The following HDAC9 variants were observed in gnomAD, a reference collection of about 807,000 sequenced individuals.
The protein encoded by HDAC9 is MEF-2 interacting transcription repressor (MITR) protein.
Under a neutral mutation model 139.4 loss-of-function variants are expected in HDAC9, and 41 were observed. That is an observed-to-expected ratio of 0.29 (90% CI 0.23 to 0.38). HDAC9 has a LOEUF of 0.38. HDAC9 is among the 10% of genes least tolerant of loss of function. The pLI is 1.00. For missense variants in HDAC9, 1,147 were observed against 1,297.0 expected (o/e 0.88, Z 1.78); for synonymous variants, 517 against 476.2 (o/e 1.09, Z -1.12).
chr7:18,659,294 T>C (rs1221642139), intron 11 of HDAC9, among the ~76,000 whole-genome samples: 1 of 152,192 alleles, frequency 6.6e-6, no homozygotes, highest in Admixed American at 6.6e-5. Flanking sequence ...CTTAAAGTGC[T>C]AACATATAAA....
intron 22 of HDAC9, among the ~76,000 whole-genome samples, chr7:18,890,525 A>G (rs1488306213): frequency 6.6e-6 from 1 of 152,198 alleles, no homozygotes. Context: ...AGGTTTAATA[A>G]TATTTGGGAC....
intron 1 of HDAC9, among the ~76,000 whole-genome samples, chr7:18,291,094 C>A (rs1797778157): frequency 6.6e-6 from 1 of 152,090 alleles, no homozygotes; most frequent in Admixed American, 6.6e-5. Context: ...ACACTCCCTC[C>A]TTCAATCTAG....
rs1368035270 is a variant in HDAC9, at chr7:18,644,650, ACT to A, written c.913-17_913-16del. On this transcript the variant is annotated intron_variant, in intron 8 of 25. Coordinates refer to ENST00000686413, the MANE Select transcript of HDAC9 (RefSeq NM_178425.4). ...ATTTGTGATACTGTGGTATTTTGAG[ACT>A]CTCCTCTTTTTTTAACAGCAAATGG... The A allele has an allele frequency of 1.9e-6, 3 of 1,596,132 alleles. No individual in the cohort carries two copies. The highest frequency in any genetic ancestry group is 2.6e-6 in the Non-Finnish European group (3 of 1,170,846).
intron 1 of HDAC9, among the ~76,000 whole-genome samples, chr7:18,157,933 T>C (rs1044026000): frequency 2.5e-4 from 37 of 150,960 alleles, no homozygotes; most frequent in Non-Finnish European, 4.4e-4. Flanking sequence ...TGTATAGTGA[T>C]TGTGATAAAC....
rs528565232 is a variant in HDAC9 at position 18,886,567 on chromosome 7, A to G, written c.2803+11971A>G. ...AATTTTCATAGTGGTATATAAAATA[A>G]TGGTTACATTTATTTTGTGCCACAA... is the stretch of plus-strand genomic sequence containing the variant. On this transcript the variant is annotated intron_variant, in intron 22 of 25. Transcript: ENST00000686413. 2.0e-5 allele frequency among the ~76,000 whole-genome samples: 3 copies of G among 152,332 alleles called. No individual in the cohort carries two copies. The East Asian group carries it at 5.8e-4, about 29-fold the overall frequency.
intron 2 of HDAC9, among the ~76,000 whole-genome samples, chr7:18,223,290 G>A (rs921826102): frequency 6.6e-6 from 1 of 151,464 alleles, no homozygotes; most frequent in Non-Finnish European, 1.5e-5. Context: ...GATATTTGTT[G>A]CACAAAATAC....
At chr7:18,210,198 T>TA (rs1791839589) in intron 2 of HDAC9, among the ~76,000 whole-genome samples, 1 of 152,206 alleles carries the variant, frequency 6.6e-6, no homozygotes, top group Non-Finnish European at 1.5e-5. Flanking sequence ...TATTCTGTGG[T>TA]GTTCTGTGAT....
At chr7:18,745,625 C>T (rs1296815431) in intron 13 of HDAC9, among the ~76,000 whole-genome samples, 1 of 142,556 alleles carries the variant, frequency 7.0e-6, no homozygotes, top group Non-Finnish European at 1.5e-5. Context: ...CAGCTCACTG[C>T]AAGCTCCGCC....
At chr7:18,821,515 T>TG (rs2129199266) in intron 17 of HDAC9, among the ~76,000 whole-genome samples, 2 of 152,216 alleles carry the variant, frequency 1.3e-5, no homozygotes, top group East Asian at 3.9e-4. Context: ...GAAAGCAAGA[T>TG]GAATGGTGAT....
intron 12 of HDAC9, among the ~76,000 whole-genome samples, chr7:18,701,521 A>G (rs1584872856): frequency 6.6e-6 from 1 of 152,190 alleles, no homozygotes; most frequent in African/African-American, 2.4e-5. Context: ...AATTTCCTAA[A>G]GATGAGTTAT....
At chr7:18,367,404 C>T (rs914075370) in intron 1 of HDAC9, among the ~76,000 whole-genome samples, 3 of 151,976 alleles carry the variant, frequency 2.0e-5, no homozygotes, top group African/African-American at 7.2e-5. Flanking sequence ...GAAATTTGAA[C>T]GTGATAAAAA....
chr7:18,414,805 A>G (rs1788895682), intron 1 of HDAC9, among the ~76,000 whole-genome samples: 1 of 152,232 alleles, frequency 6.6e-6, no homozygotes, highest in Non-Finnish European at 1.5e-5. Context: ...TTTGAAGACT[A>G]TCCTGGTTGA....
chr7:18,392,290 G>GTCTCTC (rs370169850), intron 1 of HDAC9, among the ~76,000 whole-genome samples: 1 of 99,658 alleles, frequency 1.0e-5, no homozygotes, highest in Admixed American at 1.0e-4. Flanking sequence ...CTCTCTCTCT[G>GTCTCTC]TCTCTCTCTC....
At chr7:18,828,116 T>G (rs1795589595) in intron 17 of HDAC9, among the ~76,000 whole-genome samples, 2 of 152,184 alleles carry the variant, frequency 1.3e-5, no homozygotes, top group South Asian at 4.1e-4. Flanking sequence ...CATAACATTC[T>G]GGAAAGATAT....
At chr7:18,922,008 C>T (rs1158431090) in intron 22 of HDAC9, among the ~76,000 whole-genome samples, 21 of 141,028 alleles carry the variant, frequency 1.5e-4, no homozygotes, top group Admixed American at 8.1e-5. Context: ...TATTCTCACT[C>T]ATAGGTTGGA....
intron 2 of HDAC9, among the ~76,000 whole-genome samples, chr7:18,568,221 A>T (rs1488566796): frequency 2.0e-5 from 3 of 151,792 alleles, no homozygotes; most frequent in African/African-American, 7.3e-5. Flanking sequence ...AATTTAGGAG[A>T]ACACTCCTGA....
At chr7:18,484,715 G>T (rs1429828442) in intron 1 of HDAC9, among the ~76,000 whole-genome samples, 6 of 152,042 alleles carry the variant, frequency 3.9e-5, no homozygotes, top group Non-Finnish European at 7.4e-5. Context: ...TATTAACCAG[G>T]CATGGTGATG....
chr7:18,339,832 G>GT (rs1445238664), intron 1 of HDAC9, among the ~76,000 whole-genome samples: 2 of 151,370 alleles, frequency 1.3e-5, no homozygotes, highest in Non-Finnish European at 3.0e-5. Flanking sequence ...ACATTTATAG[G>GT]TAAATATTCA....
chr7:18,542,037 G>A (rs76817491), intron 2 of HDAC9, among the ~76,000 whole-genome samples: 5,357 of 152,076 alleles, frequency 0.035, 321 homozygotes, highest in African/African-American at 0.12. Flanking sequence ...GTTTAGCAGC[G>A]TCTCTGGCCT....
Sources: gnomAD v4.1 joint callset for allele counts (sites outside exome capture counted in the v4.1 genomes callset) on GRCh38, gnomAD v4.1.1 for gene constraint, MANE v1.5 for transcripts, NCBI Gene and HGNC (gene_info 2026-07-23, HGNC 2026-07-21) for gene names.